Variants in MRPL2 observed in about 807,000 individuals in gnomAD.
The protein encoded by MRPL2 is large ribosomal subunit protein uL2m.
MRPL2 carries 27 observed loss-of-function variants against 34.6 expected under a neutral mutation model. The ratio of observed to expected loss-of-function variants is 0.78; its 90% CI spans 0.58 to 1.08. The LOEUF is 1.08. MRPL2 is among the 50% of genes least tolerant of loss of function. The pLI, the probability that MRPL2 is intolerant of heterozygous loss-of-function variation, is 0.00. For missense variants in MRPL2, 414 were observed against 419.3 expected, an observed-to-expected ratio of 0.99 and a Z score of 0.11; for synonymous variants, 155 against 158.0, an observed-to-expected ratio of 0.98 and a Z score of 0.14.
At chr6:43,059,145 C>A in intron 1 of MRPL2, 141 bp downstream of exon 1, 1 of 1,548,018 alleles carries the variant, frequency 6.5e-7, no homozygotes, top group Non-Finnish European at 8.7e-7. Context: ...GAGGAAAAAG[C>A]TGAGGCTAAG....
At chr6:43,059,525 G>T (rs993067770), upstream of MRPL2, 4 of 1,430,506 alleles carry the variant, frequency 2.8e-6, no homozygotes, top group Non-Finnish European at 3.6e-6. Flanking sequence ...TTTCCTACCT[G>T]AACGCCGTGA....
chr6:43,057,327 CCCA>C (rs1479044579), intron 2 of MRPL2, among the ~76,000 whole-genome samples: 17 of 151,776 alleles, frequency 1.1e-4, no homozygotes, highest in African/African-American at 3.4e-4. Flanking sequence ...ATTACAGGTG[CCCA>C]CCACCACACC....
At chr6:43,059,435 GA>G, upstream of MRPL2, 1 of 1,490,598 alleles carries the variant, frequency 6.7e-7, no homozygotes, top group Non-Finnish European at 9.0e-7. Flanking sequence ...AGATGACGTT[GA>G]CTGTCCGGCG....
intron 6 of MRPL2, 95 bp from the exon 7 acceptor site, chr6:43,054,581 G>A: frequency 9.7e-7 from 1 of 1,032,310 alleles, no homozygotes; most frequent in Non-Finnish European, 1.4e-6. Context: ...TAGACTCAAG[G>A]AGAGAAGGGC....
upstream of MRPL2, chr6:43,059,696 G>T (rs369401741): frequency 1.5e-6 from 2 of 1,312,346 alleles, no homozygotes; most frequent in African/African-American, 3.0e-5. Flanking sequence ...GTGAGTCTTT[G>T]AGGGTATCCT....
chr6:43,054,438 G>A lies in MRPL2; in HGVS notation c.754C>T (p.His252Tyr). The A allele has an allele frequency of 6.2e-7, 1 of 1,614,204 alleles. No homozygotes were observed. The highest frequency in any genetic ancestry group is 1.1e-5 in the South Asian group (1 of 91,086). ...ATVGRVSNVD[H>Y]NKRVIGKAGR... ...GCCTTGCCAATGACCCGTTTGTTATGATCAACGTTGGATACTCGGCCTACT... is the reference window on the plus strand; with the variant it reads ...GCCTTGCCAATGACCCGTTTGTTATAATCAACGTTGGATACTCGGCCTACT... Residue 252 changes from histidine to tyrosine, a missense_variant, in exon 7 of 7, where the codon CAT becomes TAT. Coordinates refer to ENST00000388752, the MANE Select transcript of MRPL2 (RefSeq NM_015950.5).
rs1764834062 is a variant in MRPL2 at position 43,055,582 on chromosome 6, G to T, written c.668C>A (p.Thr223Lys). The T allele has an allele frequency of 1.9e-6, 3 of 1,614,070 alleles. No homozygotes were observed. In the East Asian group the frequency reaches 6.7e-5, roughly 36 times the overall value. The change falls in exon 6 of 7, where the codon ACA becomes AAA. Residue 223 changes from threonine to lysine, a missense_variant. By Grantham distance (78) the Thr-to-Lys change is moderately conservative. Transcript: ENST00000388752. Reference protein sequence around the residue: ...CGVLLRKVNGTAIIQLPSKRQ... With the variant: ...CGVLLRKVNGKAIIQLPSKRQ... Reference sequence around the variant, plus strand: ...CTTAGAGGGCAGCTGGATAATGGCTGTGCCATTCACCTTCCGCAGTAGCAC... The same window carrying T: ...CTTAGAGGGCAGCTGGATAATGGCTTTGCCATTCACCTTCCGCAGTAGCAC...
rs1464976945 is a variant in MRPL2 at position 43,058,379 on chromosome 6, C to T, written c.97-146G>A. ...AAACCAGCTATCCAAAAACTCCACC[C>T]TTCACAGCTTGCACAGTAATGTTCT... On this transcript the variant is annotated intron_variant, in intron 1 of 6. Coordinates refer to ENST00000388752, the MANE Select transcript of MRPL2 (RefSeq NM_015950.5). 7 of 739,544 alleles carry T rather than the reference C, an allele frequency of 9.5e-6. No homozygotes were observed. The Admixed American group carries it at 1.7e-4, about 18-fold the overall frequency. The allele number at this position is 739,544 out of a possible 1,614,324, so 45.8% of individuals were successfully genotyped here.
chr6:43,055,946 G>A lies in MRPL2; in HGVS notation c.582C>T (p.Asn194=). Residue 194 remains asparagine (N), a synonymous_variant, in exon 5 of 7, where the codon AAC becomes AAT. Coordinates refer to ENST00000388752, the MANE Select transcript of MRPL2 (RefSeq NM_015950.5). ...CCCGGCCTGGCTCACTTTCCACGTT[G>A]TTGATGAGGGTCCCCACAGGCAGAG... ...LGALPVGTLI[N]NVESEPGRGA... is the part of the protein sequence containing the mutation. 5 of 1,614,096 alleles carry A rather than the reference G, an allele frequency of 3.1e-6. No individual in the cohort carries two copies. Among genetic ancestry groups the A allele is most frequent in the African/African-American group, 1.3e-5 (1 of 75,020 alleles).
chr6:43,056,531 G>C (rs1764885560), intron 2 of MRPL2, 86 bp from the exon 3 acceptor site: 5 of 1,527,502 alleles, frequency 3.3e-6, no homozygotes, highest in Non-Finnish European at 4.5e-6. Context: ...CTCTGCCAGA[G>C]AGCAGTGCTT....
chr6:43,055,895 A>G lies in MRPL2; in HGVS notation c.631+2T>C, dbSNP rs1475059045. 3 of 1,610,392 alleles carry G rather than the reference A, an allele frequency of 1.9e-6. No individual in the cohort carries two copies. The highest frequency in any genetic ancestry group is 2.7e-5 in the African/African-American group (2 of 74,738). On this transcript the variant is annotated splice_donor_variant, in intron 5 of 6. Coordinates refer to ENST00000388752, the MANE Select transcript of MRPL2 (RefSeq NM_015950.5). LOFTEE classifies it high-confidence loss of function. Reference sequence around the variant, plus strand: ...GGACCCAGGCAACTCCTTTCCCCATACCTGCAGCTCGGATATATTGGGCAC... The same window carrying G: ...GGACCCAGGCAACTCCTTTCCCCATGCCTGCAGCTCGGATATATTGGGCAC...
intron 6 of MRPL2, among the ~76,000 whole-genome samples, chr6:43,054,764 C>G (rs1764776633): frequency 6.6e-6 from 1 of 152,028 alleles, no homozygotes; most frequent in African/African-American, 2.4e-5. Flanking sequence ...ATAATGAGAT[C>G]CCATCTCTAC....
rs776752048 is a variant in MRPL2 at position 43,055,561 on chromosome 6, G to A, written c.689C>T (p.Ser230Phe). 1.2e-6 allele frequency: 2 copies of A among 1,613,872 alleles called. No homozygotes were observed. The highest frequency in any genetic ancestry group is 1.1e-5 in the South Asian group (1 of 91,074). The change falls in exon 6 of 7, where the codon TCT (serine) becomes TTT (phenylalanine). Residue 230 changes from serine to phenylalanine, a missense_variant. By Grantham distance (155) the Ser-to-Phe change is radical. Transcript: ENST00000388752. ...VNGTAIIQLP[S>F]KRQMQVLETC... ...CATACACACCTGCATCTGCCTCTTA[G>A]AGGGCAGCTGGATAATGGCTGTGCC...
chr6:43,054,238 C>CG lies in MRPL2; in HGVS notation c.*35dup, dbSNP rs34298469. On this transcript the variant is annotated 3_prime_UTR_variant, in exon 7 of 7. Transcript: ENST00000388752. Reference sequence around the variant, plus strand: ...ACAAAACCACAGTAACAGATTAAAACGGGGGGGGGGGGCATTTTATTAGAG... The same window carrying CG: ...ACAAAACCACAGTAACAGATTAAAACGGGGGGGGGGGGGCATTTTATTAGAG... 0.066 allele frequency: 64,569 copies of CG among 973,784 alleles called. 980 individuals are homozygous for CG. Among genetic ancestry groups the CG allele is most frequent in the African/African-American group, 0.16 (7,328 of 45,616 alleles). 60.3% of individuals were successfully genotyped at this position (973,784 alleles called of 1,614,324 possible). A position where few individuals can be genotyped will look rare whatever the true frequency, so the allele number is the denominator to read the frequency against.
At chr6:43,058,991 T>C in intron 1 of MRPL2, 2 of 728,218 alleles carry the variant, frequency 2.7e-6, no homozygotes, top group Non-Finnish European at 4.4e-6. Context: ...TTCATTTATT[T>C]GAAACGTCTA....
At chr6:43,057,951 G>C in intron 2 of MRPL2, 114 bp downstream of exon 2, 1 of 1,231,814 alleles carries the variant, frequency 8.1e-7, no homozygotes, top group South Asian at 1.4e-5. Context: ...CCAAATAAGT[G>C]CTTTTTAATT....
chr6:43,054,283 G>A lies in MRPL2; in HGVS notation c.909C>T (p.Ala303=). The change falls in exon 7 of 7, where the codon GCC becomes GCT. Residue 303 remains alanine, a synonymous_variant. Transcript: ENST00000388752. The stretch of plus-strand genomic sequence containing the variant: ...TTAGAGTACAGGGATATCAGCTTTG[G>A]GCAGAAGCAGAAGGCAGCTTCACGT... ...KSYVKLPSAS[A]QS is the part of the protein sequence containing the mutation. The A allele has an allele frequency of 6.2e-7, 1 of 1,602,384 alleles. No individual in the cohort carries two copies. Among genetic ancestry groups the A allele is most frequent in the Non-Finnish European group, 8.5e-7 (1 of 1,173,742 alleles).
Position 43,056,306 on chromosome 6 carries a change from C to T in MRPL2, c.404+1G>A, listed in dbSNP as rs755939478. 2.5e-6 allele frequency: 4 copies of T among 1,614,164 alleles called. No individual in the cohort carries two copies. ...ATCATCATCCCACATCCCAAACTTG[C>T]CTACAGGGATCATAGCGGACTTGGA... On this transcript the variant is annotated splice_donor_variant, in intron 3 of 6. Coordinates refer to ENST00000388752, the MANE Select transcript of MRPL2 (RefSeq NM_015950.5). LOFTEE classifies it high-confidence loss of function.
At position 43,055,897 on chromosome 6, in the gene MRPL2, C is replaced by T. The variant is rs1258867940; in HGVS notation, c.631G>A (p.Gly211Arg). The change falls in exon 5 of 7, where the codon GGG (glycine) becomes AGG (arginine). Residue 211 changes from glycine (G) to arginine (R), a missense_variant and splice_region_variant. Coordinates refer to ENST00000388752, the MANE Select transcript of MRPL2 (RefSeq NM_015950.5). The stretch of plus-strand genomic sequence containing the variant: ...ACCCAGGCAACTCCTTTCCCCATAC[C>T]TGCAGCTCGGATATATTGGGCACCC... ...GRGAQYIRAA[G>R]TCGVLLRKVN... 1.2e-6 allele frequency: 2 copies of T among 1,611,348 alleles called. No homozygotes were observed. The highest frequency in any genetic ancestry group is 2.2e-5 in the South Asian group (2 of 90,810).
Sources: gnomAD v4.1 joint callset for allele counts (sites outside exome capture counted in the v4.1 genomes callset) on GRCh38, gnomAD v4.1.1 for gene constraint, MANE v1.5 for transcripts, NCBI Gene and HGNC (gene_info 2026-07-23, HGNC 2026-07-21) for gene names.